Variants in ALK observed in about 807,000 individuals in gnomAD.
The protein encoded by ALK is ALK tyrosine kinase receptor.
Under a neutral mutation model 163.1 loss-of-function variants are expected in ALK, and 74 were observed. That is an observed-to-expected ratio of 0.45 (90% CI 0.38 to 0.55). ALK has a LOEUF of 0.55. Ranked by LOEUF, ALK falls within the 20% of genes least tolerant of loss-of-function variation. The pLI is 0.00. For synonymous variants in ALK, 960 were observed against 843.2 expected, an observed-to-expected ratio of 1.14 and a Z score of -2.40; for missense variants, 2,063 against 2,105.3, an observed-to-expected ratio of 0.98 and a Z score of 0.39.
At position 29,718,124 on chromosome 2, in the gene ALK, G is replaced by T. The variant is rs933351611; in HGVS notation, c.668-427C>A. 2.0e-5 allele frequency among the ~76,000 whole-genome samples: 3 copies of T among 152,150 alleles called. No individual in the cohort carries two copies. The South Asian group carries it at 6.2e-4, about 32-fold the overall frequency. On this transcript the variant is annotated intron_variant, in intron 1 of 28. Transcript: ENST00000389048. ...ACTTCCTCTAATGTTGTTTGCTTGG[G>T]TTATTGCCTTATCAATGAGAGGGCT...
intron 1 of ALK, among the ~76,000 whole-genome samples, chr2:29,827,538 G>T (rs1247956228): frequency 6.6e-6 from 1 of 152,166 alleles, no homozygotes; most frequent in African/African-American, 2.4e-5. Context: ...TGTTTAGTGA[G>T]CTTTGTTGGC....
At chr2:29,339,018 G>A (rs1487219643) in intron 5 of ALK, among the ~76,000 whole-genome samples, 2 of 152,136 alleles carry the variant, frequency 1.3e-5, no homozygotes, top group Non-Finnish European at 1.5e-5. Flanking sequence ...TGAGGCGGGC[G>A]GATCACCTGA....
rs1261175269 is a variant in ALK, at chr2:29,830,739, A to C, written c.667+89254T>G. Among the ~76,000 whole-genome samples, 54 of 133,730 alleles carry C rather than the reference A, an allele frequency of 4.0e-4. 3 individuals carry two copies. The highest frequency in any genetic ancestry group is 9.0e-4 in the Admixed American group (12 of 13,260). The allele number at this position is 133,730 out of a possible 152,430, so 87.7% of individuals were successfully genotyped here. A position where few individuals can be genotyped will look rare whatever the true frequency, so the allele number is the denominator to read the frequency against. Reference sequence around the variant, plus strand: ...AAAAAAAAAAAAAAAAAAAAAAAAAAAAAAAAAAAAAAAACTTAGCCAAGC... The same window carrying C: ...AAAAAAAAAAAAAAAAAAAAAAAAACAAAAAAAAAAAAAACTTAGCCAAGC... On this transcript the variant is annotated intron_variant, in intron 1 of 28. Transcript: ENST00000389048.
chr2:29,879,590 A>C (rs1017662636), intron 1 of ALK, among the ~76,000 whole-genome samples: 64 of 152,204 alleles, frequency 4.2e-4, no homozygotes, highest in Admixed American at 4.1e-3. Context: ...CAGCATGGGA[A>C]AGTAGGGTCT....
At chr2:29,313,962 C>T (rs1250545289) in intron 8 of ALK, among the ~76,000 whole-genome samples, 1 of 152,060 alleles carries the variant, frequency 6.6e-6, no homozygotes, top group Admixed American at 6.5e-5. Context: ...AGAAAAGTTC[C>T]TCTCTTTTTC....
rs556002253 is a variant in ALK at position 29,527,217 on chromosome 2, T to C, written c.1154+4698A>G. ...AACCATACCTCCTGATGGCCACAAA[T>C]CAATATCTTTTTGAGTTAAATTACC... On this transcript the variant is annotated intron_variant, in intron 4 of 28. Coordinates refer to ENST00000389048, the MANE Select transcript of ALK (RefSeq NM_004304.5). Among the ~76,000 whole-genome samples, 29 of 152,316 alleles carry C rather than the reference T, an allele frequency of 1.9e-4. No individual in the cohort carries two copies. In the Middle Eastern group the frequency reaches 0.014, roughly 71 times the overall value.
intron 3 of ALK, among the ~76,000 whole-genome samples, chr2:29,537,096 G>C (rs10779970): frequency 2.0e-5 from 3 of 152,114 alleles, no homozygotes; most frequent in African/African-American, 7.2e-5. Context: ...AGACTACTCA[G>C]GTAGTAGAAA....
chr2:29,416,276 G>C (rs79614359), intron 4 of ALK, among the ~76,000 whole-genome samples: 2 of 152,314 alleles, frequency 1.3e-5, no homozygotes, highest in South Asian at 4.1e-4. Flanking sequence ...TCTCTGCAAG[G>C]TCTATGAATA....
chr2:29,832,883 G>A (rs1665456996), intron 1 of ALK, among the ~76,000 whole-genome samples: 1 of 152,220 alleles, frequency 6.6e-6, no homozygotes, highest in African/African-American at 2.4e-5. Flanking sequence ...GCAGGTAGTT[G>A]GGAAATCAGG....
In ALK at chr2:29,320,870, A is replaced by G. The variant is rs35093491; in HGVS notation, c.1427T>C (p.Val476Ala). 0.035 allele frequency: 56,862 copies of G among 1,614,174 alleles called. 1,139 individuals carry two copies. The highest frequency in any genetic ancestry group is 0.04 in the Non-Finnish European group (47,438 of 1,180,006). The change falls in exon 7 of 29, where the codon GTG becomes GCG. Residue 476 changes from valine (V) to alanine (A), a missense_variant. Val to Ala is a moderately conservative substitution (Grantham distance 64). Transcript: ENST00000389048. ...ATCTTCAAAGTTGCAGTAAAAACCCACAGGCAGTTTCCCTATGGAGAGAGC... is the reference window on the plus strand; with the variant it reads ...ATCTTCAAAGTTGCAGTAAAAACCCGCAGGCAGTTTCCCTATGGAGAGAGC... ...DESQMCRKLPVGFYCNFEDGF... is the reference protein window; with the variant it reads ...DESQMCRKLPAGFYCNFEDGF...
At chr2:29,771,669 G>A (rs1681030164) in intron 1 of ALK, among the ~76,000 whole-genome samples, 1 of 152,090 alleles carries the variant, frequency 6.6e-6, no homozygotes, top group South Asian at 2.1e-4. Flanking sequence ...CGAGTAGCTG[G>A]GACTACAGGC....
chr2:29,481,079 G>A (rs1030923603), intron 4 of ALK, among the ~76,000 whole-genome samples: 3 of 152,190 alleles, frequency 2.0e-5, no homozygotes, highest in Non-Finnish European at 2.9e-5. Flanking sequence ...CTGTGTTTGA[G>A]GACCAGCTTC....
rs114036378 is a variant in ALK at position 29,824,849 on chromosome 2, G to A, written c.667+95144C>T. Among the ~76,000 whole-genome samples, 1,010 of 151,912 alleles carry A rather than the reference G, an allele frequency of 6.6e-3. 15 individuals carry two copies. The highest frequency in any genetic ancestry group is 7.9e-3 in the Non-Finnish European group (536 of 67,866). The stretch of plus-strand genomic sequence containing the variant: ...GGATTAAGATTTTGGGGGATGGTTG[G>A]GAATGCATGATTGTTTTGAAATGTG... On this transcript the variant is annotated intron_variant, in intron 1 of 28. Coordinates refer to ENST00000389048, the MANE Select transcript of ALK (RefSeq NM_004304.5).
At chr2:29,355,463 C>T (rs1175375123) in intron 5 of ALK, among the ~76,000 whole-genome samples, 1 of 152,092 alleles carries the variant, frequency 6.6e-6, no homozygotes, top group African/African-American at 2.4e-5. Context: ...TGCTAACACA[C>T]ACACCACATA....
chr2:29,254,301 C>A (rs947984189), intron 11 of ALK, among the ~76,000 whole-genome samples: 6 of 112,734 alleles, frequency 5.3e-5, no homozygotes, highest in African/African-American at 1.3e-4. Context: ...TTCTCTCTCT[C>A]TCTCTATATA....
At position 29,313,789 on chromosome 2, in the gene ALK, G is replaced by A. The variant is rs146420759; in HGVS notation, c.1647+4515C>T. Among the ~76,000 whole-genome samples the A allele has an allele frequency of 3.0e-3, 463 of 152,192 alleles. 7 individuals are homozygous for A. The highest frequency in any genetic ancestry group is 0.011 in the African/African-American group (439 of 41,496). On this transcript the variant is annotated intron_variant, in intron 8 of 28. Transcript: ENST00000389048. ...ATGCTCATCTTCTTTGGCTCCTGTC[G>A]AGAGTTTGGTGGGGGCTGATAAAGG...
At position 29,846,854 on chromosome 2, in the gene ALK, A is replaced by G. The variant is rs546195923; in HGVS notation, c.667+73139T>C. Reference sequence around the variant, plus strand: ...GAGATTCTATGAGATAGGTTCTATTATTATTCCCATTTTACAGCAGAGAAA... The same window carrying G: ...GAGATTCTATGAGATAGGTTCTATTGTTATTCCCATTTTACAGCAGAGAAA... On this transcript the variant is annotated intron_variant, in intron 1 of 28. Transcript: ENST00000389048. Among the ~76,000 whole-genome samples, 253 of 152,306 alleles carry G rather than the reference A, an allele frequency of 1.7e-3. 1 individual carries two copies. Among genetic ancestry groups the G allele is most frequent in the Non-Finnish European group, 2.8e-3 (191 of 68,028 alleles).
intron 1 of ALK, among the ~76,000 whole-genome samples, chr2:29,724,759 T>C (rs575533931): frequency 2.6e-5 from 4 of 152,284 alleles, no homozygotes; most frequent in African/African-American, 9.6e-5. Flanking sequence ...TCACATTTTC[T>C]TCCAGCTGGC....
intron 26 of ALK, among the ~76,000 whole-genome samples, chr2:29,203,485 C>CTGTTTTTTTTTTTTTTT (rs1669232220): frequency 3.1e-5 from 1 of 32,544 alleles, no homozygotes; most frequent in Non-Finnish European, 5.2e-5. Flanking sequence ...GAGGATGTGC[C>CTGTTTTTTTTTTTTTTT]TTTTTTTTTT....
Sources: allele counts gnomAD v4.1 joint callset (sites outside exome capture counted in the v4.1 genomes callset), GRCh38; gene constraint gnomAD v4.1.1; transcripts MANE v1.5; gene names NCBI Gene and HGNC (gene_info 2026-07-23, HGNC 2026-07-21).